The following ELOVL6 variants were observed in gnomAD, a reference collection of about 807,000 sequenced individuals.
The protein encoded by ELOVL6 is very long chain fatty acid elongase 6.
In ELOVL6, 8 loss-of-function variants were observed where a neutral mutation model predicts 31.7. The ratio of observed to expected loss-of-function variants is 0.25; its 90% CI spans 0.15 to 0.45. ELOVL6 has a LOEUF of 0.45. ELOVL6 is among the 20% of genes least tolerant of loss of function. The pLI, the probability that ELOVL6 is intolerant of heterozygous loss-of-function variation, is 1.00. For synonymous variants in ELOVL6, 101 were observed against 117.7 expected (o/e 0.86, Z 0.92); for missense variants, 126 against 326.4 (o/e 0.39, Z 4.73).
intron 2 of ELOVL6, among the ~76,000 whole-genome samples, chr4:110,101,401 A>C (rs1035007821): frequency 8.1e-6 from 1 of 122,856 alleles, no homozygotes; most frequent in Non-Finnish European, 1.6e-5. Context: ...TTTGGATTTC[A>C]AAAAAAAAAA....
chr4:110,164,451 T>C (rs1028052392), intron 1 of ELOVL6, among the ~76,000 whole-genome samples: 1 of 152,138 alleles, frequency 6.6e-6, no homozygotes, highest in African/African-American at 2.4e-5. Flanking sequence ...TGCCACAAGA[T>C]GCCATGAACA....
Position 110,181,169 on chromosome 4 carries a change from G to A in ELOVL6, c.89+17078C>T, listed in dbSNP as rs770408518. ...AAAAAAATTAAATTAAATTAAGGCC[G>A]GGCGCAGTGGCTCACGCCTGTAATC... On this transcript the variant is annotated intron_variant, in intron 1 of 3. Coordinates refer to ENST00000302274, the MANE Select transcript of ELOVL6 (RefSeq NM_024090.3). Among the ~76,000 whole-genome samples the A allele has an allele frequency of 5.1e-4, 78 of 152,098 alleles. 2 individuals carry two copies. The highest frequency in any genetic ancestry group is 9.2e-4 in the Admixed American group (14 of 15,250).
intron 1 of ELOVL6, 164 bp downstream of exon 1, chr4:110,198,083 C>A (rs1050957052): frequency 1.2e-5 from 7 of 581,566 alleles, no homozygotes; most frequent in South Asian, 1.8e-5. Flanking sequence ...TACCCCCCCC[C>A]CCCCAGCGTC....
intron 2 of ELOVL6, among the ~76,000 whole-genome samples, chr4:110,071,807 T>C (rs1051745750): frequency 6.6e-6 from 1 of 152,228 alleles, no homozygotes; most frequent in African/African-American, 2.4e-5. Flanking sequence ...TATGAAAAGA[T>C]ACTCCTTTCT....
At chr4:110,060,744 G>T (rs1755114009) in intron 2 of ELOVL6, among the ~76,000 whole-genome samples, 1 of 152,178 alleles carries the variant, frequency 6.6e-6, no homozygotes, top group Non-Finnish European at 1.5e-5. Flanking sequence ...ATGTGGGGAA[G>T]ATGGACCTGC....
At chr4:110,079,084 A>G (rs1755749908) in intron 2 of ELOVL6, among the ~76,000 whole-genome samples, 1 of 152,234 alleles carries the variant, frequency 6.6e-6, no homozygotes, top group Admixed American at 6.5e-5. Flanking sequence ...ACCCAGATTC[A>G]TAAAGCAAGT....
chr4:110,133,188 G>A (rs1757719055), intron 1 of ELOVL6, among the ~76,000 whole-genome samples: 1 of 152,148 alleles, frequency 6.6e-6, no homozygotes, highest in African/African-American at 2.4e-5. Context: ...GTAGAGAAAA[G>A]AGAGGAAGTT....
At chr4:110,086,532 A>C (rs1375824643) in intron 2 of ELOVL6, among the ~76,000 whole-genome samples, 2 of 152,196 alleles carry the variant, frequency 1.3e-5, no homozygotes, top group Non-Finnish European at 2.9e-5. Context: ...TAGGAAATAG[A>C]AATATTTTTG....
At chr4:110,126,020 C>A (rs1312635812) in intron 1 of ELOVL6, among the ~76,000 whole-genome samples, 1 of 151,888 alleles carries the variant, frequency 6.6e-6, no homozygotes, top group African/African-American at 2.4e-5. Flanking sequence ...GATTTGGCCC[C>A]AGTGATGGTT....
chr4:110,170,720 C>G (rs1379414588), intron 1 of ELOVL6, among the ~76,000 whole-genome samples: 1 of 152,166 alleles, frequency 6.6e-6, no homozygotes, highest in Non-Finnish European at 1.5e-5. Flanking sequence ...GTTAGATTAG[C>G]TTAGTTCAGG....
At chr4:110,191,708 G>A (rs1027853385) in intron 1 of ELOVL6, among the ~76,000 whole-genome samples, 1 of 152,100 alleles carries the variant, frequency 6.6e-6, no homozygotes, top group Non-Finnish European at 1.5e-5. Context: ...TAGATGGGGG[G>A]CCGGGCACCT....
At chr4:110,137,553 T>C (rs1231630937) in intron 1 of ELOVL6, among the ~76,000 whole-genome samples, 3 of 138,412 alleles carry the variant, frequency 2.2e-5, no homozygotes, top group Non-Finnish European at 4.8e-5. Context: ...CCATGTCAGT[T>C]AAGTTTATGC....
At chr4:110,133,500 G>A (rs1176258217) in intron 1 of ELOVL6, among the ~76,000 whole-genome samples, 2 of 152,174 alleles carry the variant, frequency 1.3e-5, no homozygotes, top group Non-Finnish European at 2.9e-5. Flanking sequence ...TTGGGCAAAT[G>A]GGAAGAGGTA....
In ELOVL6 at chr4:110,049,109, T is replaced by A. The variant is rs759636748; in HGVS notation, c.*2229A>T. ...AAGGCTTATTGCACGGTATCATGTA[T>A]TTGCGAAGCTCAAAATAACATTTGC... On this transcript the variant is annotated 3_prime_UTR_variant, in exon 4 of 4. Transcript: ENST00000302274. 6 of 152,264 alleles carry A rather than the reference T, an allele frequency of 3.9e-5. No homozygotes were observed. The highest frequency in any genetic ancestry group is 2.6e-4 in the Admixed American group (4 of 15,286). The allele number at this position is 152,264 out of a possible 1,614,324, so 9.4% of individuals were successfully genotyped here.
chr4:110,156,484 G>A (rs369346258), intron 1 of ELOVL6, among the ~76,000 whole-genome samples: 2 of 152,042 alleles, frequency 1.3e-5, no homozygotes, highest in East Asian at 1.9e-4. Context: ...CTAGGAGTTC[G>A]AGACTAGCCT....
chr4:110,169,474 C>T (rs1037773686), intron 1 of ELOVL6, among the ~76,000 whole-genome samples: 7 of 151,672 alleles, frequency 4.6e-5, no homozygotes, highest in Non-Finnish European at 7.4e-5. Flanking sequence ...AACTCCTGAC[C>T]TCAGGTGATC....
intron 1 of ELOVL6, among the ~76,000 whole-genome samples, chr4:110,142,411 T>C (rs1302434347): frequency 6.6e-6 from 1 of 152,166 alleles, no homozygotes; most frequent in Non-Finnish European, 1.5e-5. Flanking sequence ...TTAACAGGAA[T>C]CAACAGGGTT....
intron 1 of ELOVL6, among the ~76,000 whole-genome samples, chr4:110,113,044 G>A (rs1364021299): frequency 6.6e-6 from 1 of 151,710 alleles, no homozygotes; most frequent in Non-Finnish European, 1.5e-5. Context: ...CTAACACGGT[G>A]AAACCCCGTC....
intron 2 of ELOVL6, among the ~76,000 whole-genome samples, chr4:110,096,109 C>T (rs1321773077): frequency 6.6e-6 from 1 of 151,908 alleles, no homozygotes; most frequent in African/African-American, 2.4e-5. Context: ...GGTGTTCTTC[C>T]TTTTTCTTTT....
Sources: gnomAD v4.1 joint callset for allele counts (sites outside exome capture counted in the v4.1 genomes callset) on GRCh38, gnomAD v4.1.1 for gene constraint, MANE v1.5 for transcripts, NCBI Gene and HGNC (gene_info 2026-07-23, HGNC 2026-07-21) for gene names.